DUOX2: variants seen among roughly 807,000 people sequenced by gnomAD.
DUOX2 encodes the protein dual oxidase 2.
Under a neutral mutation model 183.3 loss-of-function variants are expected in DUOX2, and 185 were observed. The observed-to-expected ratio is 1.01, with a 90% CI of 0.90 to 1.14. DUOX2 has a LOEUF of 1.14. Ranked by LOEUF, DUOX2 falls within the 50% of genes most tolerant of loss-of-function variation. DUOX2 has a pLI of 0.00. For synonymous variants in DUOX2, 788 were observed against 812.4 expected (o/e 0.97, Z 0.51); for missense variants, 1,999 against 2,022.9 (o/e 0.99, Z 0.23).
rs1171054411 is a variant in DUOX2, at chr15:45,106,251, G to A, written c.2022C>T (p.Val674=). The change falls in exon 17 of 34, where the codon GTC becomes GTT. Residue 674 remains valine (V), a synonymous_variant. Transcript: ENST00000389039. Reference sequence around the variant, plus strand: ...GGAGCACAGTGAGATGCCTGTTCAGGACCTGCAGACACCTGTCTGACAGCA... The same window carrying A: ...GGAGCACAGTGAGATGCCTGTTCAGAACCTGCAGACACCTGTCTGACAGCA... ...IQLLSDRCLQ[V]LNRHLTVLRV... is the part of the protein sequence containing the mutation. 6.2e-7 allele frequency: 1 copy of A among 1,614,088 alleles called. No homozygotes were observed. The highest frequency in any genetic ancestry group is 2.2e-5 in the East Asian group (1 of 44,868).
chr15:45,108,400 C>T (rs1894286868), intron 12 of DUOX2, 178 bp from the exon 13 acceptor site: 1 of 743,622 alleles, frequency 1.3e-6, no homozygotes, highest in Non-Finnish European at 2.2e-6. Context: ...TCAGTGTGTC[C>T]CTACCCACGG....
At chr15:45,094,440 C>T (rs1893846123) in intron 33 of DUOX2, 123 bp downstream of exon 33, 1 of 1,524,474 alleles carries the variant, frequency 6.6e-7, no homozygotes, top group East Asian at 2.4e-5. Flanking sequence ...CAGCTGACCT[C>T]ATCCTGGGGC....
chr15:45,110,238 T>C (rs1312560870), intron 9 of DUOX2, among the ~76,000 whole-genome samples, 190 bp downstream of exon 9: 1 of 152,126 alleles, frequency 6.6e-6, no homozygotes, highest in East Asian at 1.9e-4. Flanking sequence ...ATTTCAGCCC[T>C]TAGGAGAGCT....
At chr15:45,109,401 G>T in intron 11 of DUOX2, 123 bp downstream of exon 11, 6 of 788,864 alleles carry the variant, frequency 7.6e-6, no homozygotes, top group Non-Finnish European at 1.3e-5. Flanking sequence ...ATGGCTCCTT[G>T]AAGTCTGTGT....
chr15:45,104,090 C>G, intron 19 of DUOX2, 37 bp from the exon 20 acceptor site: 2 of 1,614,074 alleles, frequency 1.2e-6, no homozygotes, highest in Non-Finnish European at 1.7e-6. Flanking sequence ...CATCTCCTTG[C>G]TGAAAGACCC....
Position 45,112,820 on chromosome 15 carries a change from A to G in DUOX2, c.161-102T>C, listed in dbSNP as rs1039283328. 8 of 1,579,308 alleles carry G rather than the reference A, an allele frequency of 5.1e-6. No homozygotes were observed. In the African/African-American group the frequency reaches 1.1e-4, roughly 21 times the overall value. On this transcript the variant is annotated intron_variant, in intron 3 of 33. Transcript: ENST00000389039. ...TCAACCCCCATCCCACTTCACTGAC[A>G]GAACCTTCCCTCAAGGGTCTCTTGG...
rs367803824 is a variant in DUOX2 at position 45,100,071 on chromosome 15, C to G, written c.3163G>C (p.Val1055Leu). 2 of 1,614,128 alleles carry G rather than the reference C, an allele frequency of 1.2e-6. No homozygotes were observed. The highest frequency in any genetic ancestry group is 2.7e-5 in the African/African-American group (2 of 74,944). Residue 1055 changes from valine to leucine, a missense_variant, in exon 24 of 34, where the codon GTG becomes CTG. This residue lies in a region of DUOX2 where 1,628 missense variants were observed against 1,608.6 expected (regional missense o/e 1.01). Coordinates refer to ENST00000389039, the MANE Select transcript of DUOX2 (RefSeq NM_001363711.2). ...TTACAGTAAGCACGATCTGCAAACA[C>G]GCCAACACAGATGGCCGAGAAGATT... ...VAIFSAICVG[V>L]FADRAYYYGF... is the part of the protein sequence containing the mutation.
intron 20 of DUOX2, among the ~76,000 whole-genome samples, chr15:45,102,595 G>T (rs571723704): frequency 1.3e-5 from 2 of 150,094 alleles, no homozygotes; most frequent in African/African-American, 4.9e-5. Context: ...GCTGTGCCAT[G>T]CTGGGCCCAT....
chr15:45,110,703 G>A lies in DUOX2; in HGVS notation c.890C>T (p.Ala297Val), dbSNP rs751847779. 37 of 1,612,188 alleles carry A rather than the reference G, an allele frequency of 2.3e-5. No individual in the cohort carries two copies. The South Asian group carries it at 3.1e-4, about 13-fold the overall frequency. Residue 297 changes from alanine to valine, a missense_variant, in exon 8 of 34, where the codon GCT (alanine) becomes GTT (valine). By Grantham distance (64) the Ala-to-Val change is moderately conservative. Transcript: ENST00000389039. The part of the protein sequence containing the change: ...KRVIATYQNI[A>V]VYEWLPSFLQ... ...GAAGCTGGGCAGCCACTCATACACA[G>A]CGATGTTCTGAGGGGCAGAGAGGGG...
Position 45,110,640 on chromosome 15 carries a change from G to C in DUOX2, c.943+10C>G, listed in dbSNP as rs545715198. On this transcript the variant is annotated intron_variant, in intron 8 of 33. Transcript: ENST00000389039. ...CTCCGCACAGGTGTCCTCCTTCCCC[G>C]CTCCCTCACCTGTATACTCCGGGAG... The C allele has an allele frequency of 6.2e-7, 1 of 1,613,194 alleles. No individual in the cohort carries two copies. The highest frequency in any genetic ancestry group is 2.2e-5 in the East Asian group (1 of 44,866).
At chr15:45,100,647 T>A (rs1894055330) in intron 23 of DUOX2, 108 bp downstream of exon 23, 9 of 951,112 alleles carry the variant, frequency 9.5e-6, no homozygotes, top group Non-Finnish European at 1.6e-5. Context: ...ACAAATGGAA[T>A]GAGACTCAGG....
rs1170851708 is a variant in DUOX2, at chr15:45,099,757, G to T, written c.3320C>A (p.Thr1107Asn). Residue 1107 changes from threonine (T) to asparagine (N), a missense_variant, in exon 25 of 34, where the codon ACC becomes AAC. Thr to Asn is a moderately conservative substitution (Grantham distance 65). This residue lies in a region of DUOX2 where 1,628 missense variants were observed against 1,608.6 expected (regional missense o/e 1.01). Coordinates refer to ENST00000389039, the MANE Select transcript of DUOX2 (RefSeq NM_001363711.2). Reference protein sequence around the residue: ...ILLTMCRNLITFLRETFLNRY... With the variant: ...ILLTMCRNLINFLRETFLNRY... ...GTTGAGGAAAGTCTCTCGCAGGAAG[G>T]TTATGAGGTTGCGGCACATGGTGAG... 2 of 1,614,104 alleles carry T rather than the reference G, an allele frequency of 1.2e-6. No homozygotes were observed. The highest frequency in any genetic ancestry group is 1.1e-5 in the South Asian group (1 of 91,092).
chr15:45,099,534 C>T (rs958531745), intron 25 of DUOX2, 52 bp from the exon 26 acceptor site: 11 of 1,586,196 alleles, frequency 6.9e-6, no homozygotes, highest in Admixed American at 3.4e-5. Flanking sequence ...ACTCTACCTC[C>T]GATCCTGAGG....
chr15:45,109,757 A>G (rs1005607244), intron 10 of DUOX2, 131 bp from the exon 11 acceptor site: 10 of 1,310,348 alleles, frequency 7.6e-6, no homozygotes, highest in African/African-American at 1.4e-5. Context: ...TTGTCCCCGG[A>G]TAATTTCCTC....
At chr15:45,099,582 G>T in intron 25 of DUOX2, 80 bp downstream of exon 25, 1 of 1,570,310 alleles carries the variant, frequency 6.4e-7, no homozygotes. Context: ...GGAGGTATAA[G>T]GAGTTCCATC....
intron 20 of DUOX2, among the ~76,000 whole-genome samples, chr15:45,102,605 T>C (rs1451868245): frequency 6.6e-6 from 1 of 152,090 alleles, no homozygotes; most frequent in Non-Finnish European, 1.5e-5. Context: ...GCTGGGCCCA[T>C]AAAACACAGC....
Position 45,112,074 on chromosome 15 carries a change from C to T in DUOX2, c.326-119G>A, listed in dbSNP as rs1468882555. 5 of 1,268,010 alleles carry T rather than the reference C, an allele frequency of 3.9e-6. No individual in the cohort carries two copies. The East Asian group carries it at 1.0e-4, about 26-fold the overall frequency. 78.5% of individuals were successfully genotyped at this position (1,268,010 alleles called of 1,614,324 possible). A position where few individuals can be genotyped will look rare whatever the true frequency, so the allele number is the denominator to read the frequency against. On this transcript the variant is annotated intron_variant, in intron 4 of 33. Transcript: ENST00000389039. ...ACAGAGGTCCCAGTGCCAGCTCCGC[C>T]ACCAGCTCTGCACGTTAGCCCCAGG...
At chr15:45,095,262 C>T (rs554524568) in intron 31 of DUOX2, among the ~76,000 whole-genome samples, 171 bp from the exon 32 acceptor site, 3 of 152,346 alleles carry the variant, frequency 2.0e-5, no homozygotes, top group African/African-American at 7.2e-5. Context: ...AGCAGAGGCC[C>T]TTCTGGCTAT....
rs1027984790 is a variant in DUOX2, at chr15:45,105,796, G to A, written c.2181C>T (p.Gly727=). The A allele has an allele frequency of 3.7e-6, 6 of 1,614,082 alleles. No individual in the cohort carries two copies. Among genetic ancestry groups the A allele is most frequent in the African/African-American group, 2.7e-5 (2 of 74,948 alleles). The change falls in exon 18 of 34, where the codon GGC becomes GGT. Residue 727 remains glycine (G), a synonymous_variant. Transcript: ENST00000389039. ...AGTCCCATAGCTGCTGCACAAAGGC[G>A]CCCCGTTCCTCTTCAGAACTAAACA... ...VLLFSSEEER[G]AFVQQLWDFC...
Sources: gnomAD v4.1 joint callset for allele counts (sites outside exome capture counted in the v4.1 genomes callset) on GRCh38, gnomAD v4.1.1 for gene constraint, gnomAD v4.1.1 regional missense constraint, MANE v1.5 for transcripts, NCBI Gene and HGNC (gene_info 2026-07-23, HGNC 2026-07-21) for gene names.